Variants in MEF2A observed in about 807,000 individuals in gnomAD.
MEF2A encodes myocyte-specific enhancer factor 2A.
MEF2A carries 28 observed loss-of-function variants against 55.8 expected under a neutral mutation model. The ratio of observed to expected loss-of-function variants is 0.50; its 90% CI spans 0.37 to 0.69. The LOEUF (loss-of-function observed/expected upper bound fraction) is 0.69, where lower values mean the gene tolerates loss of function less well. Among genes scored for constraint, MEF2A ranks in the 30% least tolerant of loss-of-function variants. MEF2A has a pLI of 0.00. For missense variants in MEF2A, 528 were observed against 626.2 expected (o/e 0.84, Z 1.67); for synonymous variants, 239 against 227.1 (o/e 1.05, Z -0.47).
intron 2 of MEF2A, among the ~76,000 whole-genome samples, chr15:99,619,674 G>A (rs188405255): frequency 4.7e-4 from 72 of 152,284 alleles, no homozygotes; most frequent in African/African-American, 1.6e-3. Flanking sequence ...GTGTGTGTTA[G>A]TATTGTAGTA....
intron 3 of MEF2A, among the ~76,000 whole-genome samples, chr15:99,643,053 A>G (rs148879997): frequency 6.6e-6 from 1 of 152,362 alleles, no homozygotes; most frequent in East Asian, 1.9e-4. Flanking sequence ...TAAAGAATTT[A>G]CATCATTTTA....
At chr15:99,663,310 A>G (rs1444684224) in intron 4 of MEF2A, among the ~76,000 whole-genome samples, 2 of 152,186 alleles carry the variant, frequency 1.3e-5, no homozygotes, top group Non-Finnish European at 2.9e-5. Context: ...CTGTAAACAG[A>G]TGCCAAAGAT....
intron 4 of MEF2A, among the ~76,000 whole-genome samples, chr15:99,654,598 A>T: frequency 6.6e-6 from 1 of 151,492 alleles, no homozygotes; most frequent in East Asian, 1.9e-4. Context: ...GGTATTGGTT[A>T]TTTCATGTAA....
At chr15:99,677,852 A>T (rs1245131979) in intron 7 of MEF2A, among the ~76,000 whole-genome samples, 1 of 152,212 alleles carries the variant, frequency 6.6e-6, no homozygotes, top group African/African-American at 2.4e-5. Context: ...ATTAAACATA[A>T]AGTAGGTAGA....
At chr15:99,592,421 GC>G (rs1363408047) in intron 1 of MEF2A, among the ~76,000 whole-genome samples, 3 of 152,086 alleles carry the variant, frequency 2.0e-5, no homozygotes, top group African/African-American at 4.8e-5. Flanking sequence ...GCCATATGTG[GC>G]TCTTGAGTGT....
chr15:99,627,771 C>G (rs1229881041), intron 2 of MEF2A, among the ~76,000 whole-genome samples: 1 of 152,128 alleles, frequency 6.6e-6, no homozygotes, highest in East Asian at 1.9e-4. Context: ...AAACATTTTT[C>G]TAATTGCCTT....
intron 1 of MEF2A, among the ~76,000 whole-genome samples, chr15:99,577,556 T>TG (rs932858103): frequency 6.6e-6 from 1 of 152,212 alleles, no homozygotes; most frequent in African/African-American, 2.4e-5. Flanking sequence ...GCTTTAATGT[T>TG]GGACAGCTAT....
chr15:99,654,282 A>T (rs2153531529), intron 4 of MEF2A, among the ~76,000 whole-genome samples: 1 of 152,190 alleles, frequency 6.6e-6, no homozygotes, highest in South Asian at 2.1e-4. Context: ...TTAATATTCT[A>T]ACTAGCATAT....
chr15:99,621,329 T>C lies in MEF2A; in HGVS notation c.-142-11649T>C, dbSNP rs377213987. On this transcript the variant is annotated intron_variant, in intron 2 of 11. Coordinates refer to ENST00000557942, the MANE Select transcript of MEF2A (RefSeq NM_001319206.4). Reference sequence around the variant, plus strand: ...ATTCCCCTGCCATATATTCACTCTTTTGATTGTGTTGGGATGAACATCCTT... The same window carrying C: ...ATTCCCCTGCCATATATTCACTCTTCTGATTGTGTTGGGATGAACATCCTT... Among the ~76,000 whole-genome samples, 114 of 152,314 alleles carry C rather than the reference T, an allele frequency of 7.5e-4. 4 individuals carry two copies. The South Asian group carries it at 0.023, about 31-fold the overall frequency.
chr15:99,576,246 C>T (rs1309443012), intron 1 of MEF2A, among the ~76,000 whole-genome samples: 1 of 152,132 alleles, frequency 6.6e-6, no homozygotes, highest in Non-Finnish European at 1.5e-5. Flanking sequence ...TCTTTATAGT[C>T]CCAAAACTCC....
At chr15:99,692,685 A>G (rs1295992923) in intron 8 of MEF2A, among the ~76,000 whole-genome samples, 2 of 152,166 alleles carry the variant, frequency 1.3e-5, no homozygotes, top group African/African-American at 4.8e-5. Context: ...GGTGCTCAGA[A>G]GCTCCTGAAA....
Position 99,671,358 on chromosome 15 carries a change from C to T in MEF2A, c.294C>T (p.Ser98=). ...LRKKGLNGCE[S]PDADDYFEHS... ...AGAAAGGCCTTAATGGTTGTGAGAG[C>T]CCTGATGCTGACGATTACTTTGAGC... Residue 98 remains serine (S), a synonymous_variant, in exon 5 of 12, where the codon AGC becomes AGT. Transcript: ENST00000557942. 6.2e-7 allele frequency: 1 copy of T among 1,613,096 alleles called. No homozygotes were observed. The highest frequency in any genetic ancestry group is 8.5e-7 in the Non-Finnish European group (1 of 1,179,270).
rs182890228 is a variant in MEF2A, at chr15:99,684,026, A to G, written c.671-6215A>G. 2.6e-5 allele frequency among the ~76,000 whole-genome samples: 4 copies of G among 152,258 alleles called. No individual in the cohort carries two copies. In the East Asian group the frequency reaches 5.8e-4, roughly 22 times the overall value. On this transcript the variant is annotated intron_variant, in intron 7 of 11. Coordinates refer to ENST00000557942, the MANE Select transcript of MEF2A (RefSeq NM_001319206.4). ...CTCCAGTTCCATCCAGGTTGCTGCA[A>G]ATGCCATTATTTTGTTCCCTTTTAT...
chr15:99,697,665 A>G (rs112438535), intron 8 of MEF2A, among the ~76,000 whole-genome samples: 1,545 of 152,306 alleles, frequency 0.01, 26 homozygotes, highest in African/African-American at 0.035. Context: ...TCCCAGATTG[A>G]TCTGTAGATT....
intron 8 of MEF2A, among the ~76,000 whole-genome samples, chr15:99,702,429 C>CTTTTT (rs11429799): frequency 7.4e-6 from 1 of 134,348 alleles, no homozygotes; most frequent in Non-Finnish European, 1.6e-5. Context: ...AAAAATGTTT[C>CTTTTT]TTTTTTTTTT....
At chr15:99,689,961 C>G (rs979156985) in intron 7 of MEF2A, among the ~76,000 whole-genome samples, 1 of 152,196 alleles carries the variant, frequency 6.6e-6, no homozygotes, top group Non-Finnish European at 1.5e-5. Flanking sequence ...ACAAAATGCT[C>G]TAAAATCTGA....
chr15:99,592,343 T>G (rs1969588721), intron 1 of MEF2A, among the ~76,000 whole-genome samples: 1 of 152,192 alleles, frequency 6.6e-6, no homozygotes, highest in South Asian at 2.1e-4. Flanking sequence ...CCTTGTGAAT[T>G]TCACTTTATT....
In MEF2A at chr15:99,684,792, T is replaced by C. The variant is rs938206701; in HGVS notation, c.671-5449T>C. ...TGTCTAAGCCAATGTCTAGAAGAGTTTTTCCAGTGTTCTAGAATTTTTGTG... is the reference window on the plus strand; with the variant it reads ...TGTCTAAGCCAATGTCTAGAAGAGTCTTTCCAGTGTTCTAGAATTTTTGTG... On this transcript the variant is annotated intron_variant, in intron 7 of 11. Transcript: ENST00000557942. Among the ~76,000 whole-genome samples, 4 of 152,302 alleles carry C rather than the reference T, an allele frequency of 2.6e-5. No homozygotes were observed. The South Asian group carries it at 8.3e-4, about 32-fold the overall frequency.
At chr15:99,575,836 A>G (rs1457554087) in intron 1 of MEF2A, among the ~76,000 whole-genome samples, 1 of 152,204 alleles carries the variant, frequency 6.6e-6, no homozygotes, top group Non-Finnish European at 1.5e-5. Flanking sequence ...TGATATCAAT[A>G]TGATATAATG....
Sources: allele counts gnomAD v4.1 joint callset (sites outside exome capture counted in the v4.1 genomes callset), GRCh38; gene constraint gnomAD v4.1.1; transcripts MANE v1.5; gene names NCBI Gene and HGNC (gene_info 2026-07-23, HGNC 2026-07-21).